Variants in ASAP3 observed in about 807,000 individuals in gnomAD.
The protein encoded by ASAP3 is arf-GAP with SH3 domain, ANK repeat and PH domain-containing protein 3.
Under a neutral mutation model 118.2 loss-of-function variants are expected in ASAP3, and 85 were observed. The observed-to-expected ratio is 0.72, with a 90% confidence interval of 0.60 to 0.86. The LOEUF is 0.86. Among genes scored for constraint, ASAP3 ranks in the 40% least tolerant of loss-of-function variants. ASAP3 has a pLI of 0.00. For missense variants in ASAP3, 1,026 were observed against 1,175.0 expected, an observed-to-expected ratio of 0.87 and a Z score of 1.85; for synonymous variants, 432 against 477.4, an observed-to-expected ratio of 0.90 and a Z score of 1.24.
At chr1:23,435,825 T>C (rs766844790) in intron 17 of ASAP3, 26 bp downstream of exon 17, 21 of 1,614,044 alleles carry the variant, frequency 1.3e-5, no homozygotes, top group Non-Finnish European at 1.8e-5. Flanking sequence ...AGGTGGGTTA[T>C]AAGTGGCCCT....
In ASAP3 at chr1:23,438,640, T is replaced by G; in HGVS notation, c.1102+107A>C. 1.1e-6 allele frequency: 1 copy of G among 903,058 alleles called. No individual in the cohort carries two copies. Among genetic ancestry groups the G allele is most frequent in the Non-Finnish European group, 1.8e-6 (1 of 567,404 alleles). The allele number at this position is 903,058 out of a possible 1,614,324, so 55.9% of individuals were successfully genotyped here. A position where few individuals can be genotyped will look rare whatever the true frequency, so the allele number is the denominator to read the frequency against. ...GCAGTAGCAGCAATTCGACACCATG[T>G]GTGGAACTGGACACAGACCCCTCAC... On this transcript the variant is annotated intron_variant, in intron 12 of 24. Coordinates refer to ENST00000336689, the MANE Select transcript of ASAP3 (RefSeq NM_017707.4). The surrounding 1 kb of genome is among the most constrained non-coding windows in gnomAD (Gnocchi z 4.9).
chr1:23,467,579 C>T (rs1025000666), intron 1 of ASAP3, among the ~76,000 whole-genome samples: 45 of 152,342 alleles, frequency 3.0e-4, no homozygotes, highest in Middle Eastern at 6.8e-3. Context: ...ATTACCTCCT[C>T]ATTTTACAGA....
At chr1:23,457,490 T>C (rs548940940) in intron 1 of ASAP3, among the ~76,000 whole-genome samples, 1 of 152,302 alleles carries the variant, frequency 6.6e-6, no homozygotes, top group South Asian at 2.1e-4. Flanking sequence ...TCAGCTCCAC[T>C]ACTCGGGGGC....
intron 7 of ASAP3, among the ~76,000 whole-genome samples, chr1:23,441,977 C>G (rs1640887660): frequency 6.6e-6 from 1 of 152,134 alleles, no homozygotes; most frequent in Non-Finnish European, 1.5e-5. Context: ...AATAGAGTAC[C>G]TGCTCCCAGA....
chr1:23,444,611 G>T (rs1640989235), intron 5 of ASAP3, among the ~76,000 whole-genome samples: 1 of 152,194 alleles, frequency 6.6e-6, no homozygotes, highest in African/African-American at 2.4e-5. Context: ...AAGACACATG[G>T]CAGCTTTTAC....
intron 3 of ASAP3, 91 bp from the exon 4 acceptor site, chr1:23,452,862 G>A (rs1240156411): frequency 1.6e-6 from 2 of 1,271,760 alleles, no homozygotes; most frequent in Non-Finnish European, 1.1e-6. Context: ...ACTTGGCAAA[G>A]AGAGCAGCGG....
chr1:23,476,284 T>G (rs2148662585), intron 1 of ASAP3, among the ~76,000 whole-genome samples: 2 of 151,432 alleles, frequency 1.3e-5, no homozygotes, highest in East Asian at 1.9e-4. Context: ...AGGTGGAGGT[T>G]GCAGTAAGCC....
At chr1:23,448,910 G>A (rs1641128461) in intron 5 of ASAP3, among the ~76,000 whole-genome samples, 1 of 152,204 alleles carries the variant, frequency 6.6e-6, no homozygotes, top group Non-Finnish European at 1.5e-5. Flanking sequence ...GGGGCCAGGA[G>A]TTGAACCCAG....
chr1:23,431,841 T>G lies in ASAP3; in HGVS notation c.2401A>C (p.Ser801Arg), dbSNP rs1272769597. The change falls in exon 23 of 25, where the codon AGT (serine) becomes CGT (arginine). Residue 801 changes from serine (S) to arginine (R), a missense_variant. Physicochemically the swap from Ser to Arg is moderately radical, Grantham distance 110. Coordinates refer to ENST00000336689, the MANE Select transcript of ASAP3 (RefSeq NM_017707.4). ...ESLGSPASSSSLMSPLEPGDP... is the reference protein window; with the variant it reads ...ESLGSPASSSRLMSPLEPGDP... ...CCAGGTTCCAAGGGGCTCATCAGAC[T>G]GGAGGAGGAGGCTGGACTGCCCAGG... The G allele has an allele frequency of 6.3e-7, 1 of 1,589,072 alleles. No individual in the cohort carries two copies. Among genetic ancestry groups the G allele is most frequent in the East Asian group, 2.2e-5 (1 of 44,574 alleles).
chr1:23,436,700 G>C lies in ASAP3; in HGVS notation c.1477-46C>G. On this transcript the variant is annotated intron_variant, in intron 15 of 24. Coordinates refer to ENST00000336689, the MANE Select transcript of ASAP3 (RefSeq NM_017707.4). The surrounding 1 kb of genome is among the most constrained non-coding windows in gnomAD (Gnocchi z 4.2). ...ACGTGGGGCGGAGTAAGACCGGGCG[G>C]TTAAGCCTGCATAGGGTGGAGCTCC... 1 of 1,609,648 alleles carries C rather than the reference G, an allele frequency of 6.2e-7. No individual in the cohort carries two copies. The highest frequency in any genetic ancestry group is 8.5e-7 in the Non-Finnish European group (1 of 1,176,050).
At position 23,435,976 on chromosome 1, in the gene ASAP3, G is replaced by A. The variant is rs781443284; in HGVS notation, c.1624C>T (p.Arg542Cys). The stretch of plus-strand genomic sequence containing the variant: ...CGCTGAGGCTCAGGTGTGCACCGGC[G>A]TGCAAACCTATGCTCCACATACTTG... ...MAKYVEHRFA[R>C]RCTPEPQRLW... The change falls in exon 17 of 25, where the codon CGC becomes TGC. Residue 542 changes from arginine to cysteine, a missense_variant. Physicochemically the swap from Arg to Cys is radical, Grantham distance 180. Transcript: ENST00000336689. 1.1e-5 allele frequency: 17 copies of A among 1,614,116 alleles called. No individual in the cohort carries two copies. The highest frequency in any genetic ancestry group is 2.2e-5 in the East Asian group (1 of 44,900).
intron 1 of ASAP3, among the ~76,000 whole-genome samples, chr1:23,460,299 G>A (rs1207624598): frequency 6.6e-6 from 1 of 152,176 alleles, no homozygotes; most frequent in Admixed American, 6.5e-5. Flanking sequence ...TTGAGGCCAG[G>A]AGTTCAAGAC....
intron 1 of ASAP3, among the ~76,000 whole-genome samples, chr1:23,468,102 A>T (rs1395732086): frequency 2.0e-5 from 3 of 152,148 alleles, no homozygotes; most frequent in Non-Finnish European, 4.4e-5. Flanking sequence ...CTGGCTGATG[A>T]GTCAGCGAGG....
At chr1:23,452,631 C>G in intron 4 of ASAP3, 66 bp downstream of exon 4, 1 of 1,541,808 alleles carries the variant, frequency 6.5e-7, no homozygotes, top group South Asian at 1.1e-5. Flanking sequence ...AGCCCTGCCC[C>G]CCAACAGTCT....
At chr1:23,442,330 G>A in intron 6 of ASAP3, 59 bp from the exon 7 acceptor site, 1 of 1,569,950 alleles carries the variant, frequency 6.4e-7, no homozygotes, top group South Asian at 1.2e-5. Context: ...CTGGGAACGA[G>A]GGGCTGCAGT....
chr1:23,458,889 G>A (rs941252264), intron 1 of ASAP3, among the ~76,000 whole-genome samples: 1 of 152,006 alleles, frequency 6.6e-6, no homozygotes, highest in Non-Finnish European at 1.5e-5. Flanking sequence ...ATGAACAACT[G>A]GGCCAGCACA....
rs1640682712 is a variant in ASAP3 at position 23,436,906 on chromosome 1, C to A, written c.1476+5G>T. 2 of 1,610,586 alleles carry A rather than the reference C, an allele frequency of 1.2e-6. No homozygotes were observed. Among genetic ancestry groups the A allele is most frequent in the South Asian group, 2.2e-5 (2 of 90,996 alleles). On this transcript the variant is annotated splice_donor_5th_base_variant and intron_variant, in intron 15 of 24. Transcript: ENST00000336689. This position sits in a 1 kb window ranked among gnomAD's most constrained non-coding sequence, Gnocchi z 4.2. ...GGCCCCTTCCAGGCCCCGCCCCGCC[C>A]TCACCAACAACTCGGAGGGGCCCAG...
At chr1:23,434,769 G>T in intron 17 of ASAP3, 151 bp from the exon 18 acceptor site, 1 of 700,274 alleles carries the variant, frequency 1.4e-6, no homozygotes, top group Non-Finnish European at 2.5e-6. Context: ...AGAGCCTCAT[G>T]TCTGGGAGGA....
chr1:23,461,230 A>G (rs1181752751), intron 1 of ASAP3, among the ~76,000 whole-genome samples: 2 of 152,318 alleles, frequency 1.3e-5, no homozygotes, highest in East Asian at 3.9e-4. Flanking sequence ...GTGTCAATGT[A>G]TGGTCATTGA....
Sources: allele counts gnomAD v4.1 joint callset (sites outside exome capture counted in the v4.1 genomes callset), GRCh38; gene constraint gnomAD v4.1.1; non-coding constraint Gnocchi (gnomAD v3.1); transcripts MANE v1.5; gene names NCBI Gene and HGNC (gene_info 2026-07-23, HGNC 2026-07-21).